ADAMTS12: variants seen among roughly 807,000 people sequenced by gnomAD.
ADAMTS12 encodes the protein A disintegrin and metalloproteinase with thrombospondin motifs 12.
In ADAMTS12, 118 loss-of-function variants were observed where a neutral mutation model predicts 167.8. The ratio of observed to expected loss-of-function variants is 0.70; its 90% CI spans 0.61 to 0.82. The LOEUF (loss-of-function observed/expected upper bound fraction) is 0.82. ADAMTS12 is among the 40% of genes least tolerant of loss of function. The pLI, the probability that ADAMTS12 is intolerant of heterozygous loss-of-function variation, is 0.00. For synonymous variants in ADAMTS12, 704 were observed against 716.9 expected, an observed-to-expected ratio of 0.98 and a Z score of 0.29; for missense variants, 1,916 against 1,998.8, an observed-to-expected ratio of 0.96 and a Z score of 0.79.
intron 2 of ADAMTS12, among the ~76,000 whole-genome samples, chr5:33,775,051 A>G (rs1022084808): frequency 6.6e-6 from 1 of 152,146 alleles, no homozygotes; most frequent in Non-Finnish European, 1.5e-5. Context: ...GTGAATCCTG[A>G]TGTTTTTAAA....
At chr5:33,777,688 A>G (rs1745963185) in intron 2 of ADAMTS12, among the ~76,000 whole-genome samples, 1 of 152,254 alleles carries the variant, frequency 6.6e-6, no homozygotes, top group African/African-American at 2.4e-5. Context: ...GCAGTTAGGC[A>G]AGAAAAAGAA....
chr5:33,590,733 C>T (rs370086575), intron 17 of ADAMTS12, among the ~76,000 whole-genome samples: 3 of 152,192 alleles, frequency 2.0e-5, no homozygotes, highest in African/African-American at 7.2e-5. Context: ...GCCGCGGCCT[C>T]GCAAAGTGCT....
chr5:33,735,288 T>C lies in ADAMTS12; in HGVS notation c.634+16116A>G, dbSNP rs141922725. On this transcript the variant is annotated intron_variant, in intron 3 of 23. Transcript: ENST00000504830. The stretch of plus-strand genomic sequence containing the variant: ...TAAAGCTAGGGTGGGTCCTGTAGAT[T>C]TGCATTTCTTATAAGTTCCAGGGTG... 4.0e-3 allele frequency among the ~76,000 whole-genome samples: 608 copies of C among 152,314 alleles called. 5 individuals are homozygous for C. The highest frequency in any genetic ancestry group is 0.014 in the African/African-American group (577 of 41,560).
intron 13 of ADAMTS12, among the ~76,000 whole-genome samples, chr5:33,626,932 A>G (rs1267081287): frequency 7.0e-6 from 1 of 143,238 alleles, no homozygotes; most frequent in Non-Finnish European, 1.5e-5. Flanking sequence ...ATGTGGTAGT[A>G]GTAATGATGA....
In ADAMTS12 at chr5:33,577,184, G is replaced by T. The variant is rs760273828; in HGVS notation, c.2866-24C>A. 3.7e-6 allele frequency: 6 copies of T among 1,613,708 alleles called. No homozygotes were observed. The South Asian group carries it at 6.6e-5, about 18-fold the overall frequency. On this transcript the variant is annotated intron_variant, in intron 18 of 23. Coordinates refer to ENST00000504830, the MANE Select transcript of ADAMTS12 (RefSeq NM_030955.4). ...CACTAGAAGAGAGAAACAGCTGTTAGCCTGGCGAGAGAAGATGCTTTTATT... is the reference window on the plus strand; with the variant it reads ...CACTAGAAGAGAGAAACAGCTGTTATCCTGGCGAGAGAAGATGCTTTTATT...
At chr5:33,730,923 G>GTAC (rs1418863957) in intron 3 of ADAMTS12, among the ~76,000 whole-genome samples, 1 of 152,128 alleles carries the variant, frequency 6.6e-6, no homozygotes, top group East Asian at 1.9e-4. Context: ...AGAATAACGG[G>GTAC]TACTAGCTCA....
intron 17 of ADAMTS12, among the ~76,000 whole-genome samples, chr5:33,590,264 T>C (rs935719768): frequency 6.6e-6 from 1 of 152,258 alleles, no homozygotes; most frequent in Non-Finnish European, 1.5e-5. Flanking sequence ...TCTTGTTTTC[T>C]CTTCTTGGAG....
chr5:33,684,291 A>G (rs932438546), intron 3 of ADAMTS12, among the ~76,000 whole-genome samples: 7 of 150,958 alleles, frequency 4.6e-5, no homozygotes, highest in South Asian at 2.1e-4. Context: ...TATTACATTA[A>G]ATTATGTCTT....
intron 19 of ADAMTS12, among the ~76,000 whole-genome samples, chr5:33,566,548 G>T (rs13158954): frequency 0.28 from 42,726 of 151,896 alleles, 7,618 homozygotes; most frequent in Non-Finnish European, 0.39. Flanking sequence ...TACAAACCCT[G>T]ATTTTAAGTT....
At chr5:33,881,719 C>A (rs951605305) in intron 1 of ADAMTS12, among the ~76,000 whole-genome samples, 2 of 142,768 alleles carry the variant, frequency 1.4e-5, no homozygotes, top group Non-Finnish European at 1.5e-5. Flanking sequence ...TGTGCCACAA[C>A]ACCTGGCTAA....
At chr5:33,599,919 GC>G (rs1005520331) in intron 16 of ADAMTS12, among the ~76,000 whole-genome samples, 11 of 152,162 alleles carry the variant, frequency 7.2e-5, no homozygotes, top group African/African-American at 2.7e-4. Flanking sequence ...AACACATTCA[GC>G]TAAGTCTATG....
chr5:33,835,907 A>ATCTCTCCTCTCTCTC (rs1748488806), intron 2 of ADAMTS12, among the ~76,000 whole-genome samples: 1 of 111,860 alleles, frequency 8.9e-6, no homozygotes, highest in African/African-American at 4.4e-5. Context: ...GATAATATCC[A>ATCTCTCCTCTCTCTC]TCTCTCTCTC....
At chr5:33,805,021 T>G (rs1337670451) in intron 2 of ADAMTS12, among the ~76,000 whole-genome samples, 1 of 152,222 alleles carries the variant, frequency 6.6e-6, no homozygotes, top group African/African-American at 2.4e-5. Context: ...ACCAATGTAC[T>G]CATGAGAGTG....
intron 3 of ADAMTS12, among the ~76,000 whole-genome samples, chr5:33,726,083 C>T (rs2112343998): frequency 6.6e-6 from 1 of 152,340 alleles, no homozygotes; most frequent in Non-Finnish European, 1.5e-5. Context: ...GAATCCAAGC[C>T]TCCCATGTCC....
intron 2 of ADAMTS12, among the ~76,000 whole-genome samples, chr5:33,791,061 C>G (rs937072455): frequency 2.0e-5 from 3 of 152,108 alleles, no homozygotes; most frequent in African/African-American, 7.2e-5. Flanking sequence ...TCTAAAACCA[C>G]TCCAGGAGAT....
rs1419805992 is a variant in ADAMTS12 at position 33,786,246 on chromosome 5, C to T, written c.490-34698G>A. On this transcript the variant is annotated intron_variant, in intron 2 of 23. Coordinates refer to ENST00000504830, the MANE Select transcript of ADAMTS12 (RefSeq NM_030955.4). ...TGTATTGTGATGATTCCACAACTGC[C>T]TAAATTTACTAAAAATCATTGAACT... Among the ~76,000 whole-genome samples, 6 of 152,202 alleles carry T rather than the reference C, an allele frequency of 3.9e-5. No individual in the cohort carries two copies. In the East Asian group the frequency reaches 1.2e-3, roughly 29 times the overall value.
chr5:33,645,305 C>A (rs1173371348), intron 9 of ADAMTS12, among the ~76,000 whole-genome samples: 7 of 152,092 alleles, frequency 4.6e-5, no homozygotes, highest in Admixed American at 3.3e-4. Context: ...ACACACCCCC[C>A]ACTTCCCCAC....
At chr5:33,862,737 C>T (rs868261368) in intron 2 of ADAMTS12, among the ~76,000 whole-genome samples, 3 of 151,882 alleles carry the variant, frequency 2.0e-5, no homozygotes, top group Non-Finnish European at 4.4e-5. Flanking sequence ...AGAAACACAA[C>T]AAAAAAAGAA....
At chr5:33,545,777 T>A (rs1178495168) in intron 22 of ADAMTS12, among the ~76,000 whole-genome samples, 4 of 148,308 alleles carry the variant, frequency 2.7e-5, no homozygotes, top group Admixed American at 1.4e-4. Flanking sequence ...AACCAAACAC[T>A]GCATGTTCTC....
Sources: gnomAD v4.1 joint callset for allele counts (sites outside exome capture counted in the v4.1 genomes callset) on GRCh38, gnomAD v4.1.1 for gene constraint, MANE v1.5 for transcripts, NCBI Gene and HGNC (gene_info 2026-07-23, HGNC 2026-07-21) for gene names.